Variants in PCBD2 observed in about 807,000 individuals in gnomAD.
PCBD2 encodes the protein pterin-4 alpha-carbinolamine dehydratase 2.
Under a neutral mutation model 16.4 loss-of-function variants are expected in PCBD2, and 12 were observed. The ratio of observed to expected loss-of-function variants is 0.73; its 90% CI spans 0.47 to 1.19. The LOEUF is 1.19. Ranked by LOEUF, PCBD2 falls within the 50% of genes most tolerant of loss-of-function variation. The pLI, the probability that PCBD2 is intolerant of heterozygous loss-of-function variation, is 0.00. For missense variants in PCBD2, 138 were observed against 156.8 expected (o/e 0.88, Z 0.64); for synonymous variants, 58 against 61.8 (o/e 0.94, Z 0.29).
At chr5:134,917,355 G>A (rs1750845824) in intron 2 of PCBD2, among the ~76,000 whole-genome samples, 1 of 152,210 alleles carries the variant, frequency 6.6e-6, no homozygotes. Flanking sequence ...GAATACCTGG[G>A]GCTACCCTTG....
At chr5:134,942,022 T>TG (rs369733732) in intron 2 of PCBD2, among the ~76,000 whole-genome samples, 5 of 143,748 alleles carry the variant, frequency 3.5e-5, no homozygotes, top group East Asian at 2.1e-4. Context: ...CCCAGCTACT[T>TG]GGGGGGGCTG....
chr5:134,930,885 G>C (rs1435625704), intron 2 of PCBD2, among the ~76,000 whole-genome samples: 2 of 152,014 alleles, frequency 1.3e-5, no homozygotes, highest in Non-Finnish European at 2.9e-5. Context: ...CCTTTTCTGT[G>C]ACCACTGGTC....
intron 2 of PCBD2, among the ~76,000 whole-genome samples, chr5:134,941,761 C>G (rs958743481): frequency 6.6e-6 from 1 of 152,052 alleles, no homozygotes; most frequent in Non-Finnish European, 1.5e-5. Flanking sequence ...AAAAAAACTA[C>G]GTAATAATTT....
intron 2 of PCBD2, among the ~76,000 whole-genome samples, chr5:134,919,196 G>T (rs1281705935): frequency 1.3e-5 from 2 of 152,192 alleles, no homozygotes; most frequent in East Asian, 3.8e-4. Context: ...AACAGTCTTT[G>T]TCTTGCCCTT....
At chr5:134,946,837 T>C (rs1056447197) in intron 2 of PCBD2, among the ~76,000 whole-genome samples, 2 of 152,220 alleles carry the variant, frequency 1.3e-5, no homozygotes, top group Admixed American at 1.3e-4. Context: ...TCCACCCTTT[T>C]GGTTGTTATT....
chr5:134,939,454 AG>A, intron 2 of PCBD2, among the ~76,000 whole-genome samples: 1 of 151,538 alleles, frequency 6.6e-6, no homozygotes, highest in Non-Finnish European at 1.5e-5. Flanking sequence ...TCACTTTTGG[AG>A]GGTGTTTTTA....
intron 2 of PCBD2, among the ~76,000 whole-genome samples, chr5:134,956,295 T>A (rs533554446): frequency 2.0e-5 from 3 of 152,348 alleles, no homozygotes; most frequent in African/African-American, 4.8e-5. Flanking sequence ...AAAAGTTTTT[T>A]AATTGTATGT....
At chr5:134,950,655 A>G (rs1468736585) in intron 2 of PCBD2, among the ~76,000 whole-genome samples, 4 of 152,218 alleles carry the variant, frequency 2.6e-5, no homozygotes, top group African/African-American at 4.8e-5. Flanking sequence ...GAGATTTCCA[A>G]ATGACAAACT....
At chr5:134,952,443 G>T (rs1284271083) in intron 2 of PCBD2, among the ~76,000 whole-genome samples, 3 of 152,160 alleles carry the variant, frequency 2.0e-5, no homozygotes, top group African/African-American at 4.8e-5. Flanking sequence ...AGAGTTTAAA[G>T]TATAGCAATT....
chr5:134,909,350 A>C (rs1037060184), intron 1 of PCBD2, among the ~76,000 whole-genome samples: 1 of 152,212 alleles, frequency 6.6e-6, no homozygotes, highest in Admixed American at 6.5e-5. Flanking sequence ...GGACCCCCAG[A>C]AGTTAGATAA....
Position 134,905,169 on chromosome 5 carries a change from G to T in PCBD2, c.30G>T (p.Ala10=), listed in dbSNP as rs1277156550. 8.2e-7 allele frequency: 1 copy of T among 1,223,176 alleles called. No individual in the cohort carries two copies. The highest frequency in any genetic ancestry group is 1.0e-6 in the Non-Finnish European group (1 of 982,718). The allele number at this position is 1,223,176 out of a possible 1,614,324, so 75.8% of individuals were successfully genotyped here. The change falls in exon 1 of 4, where the codon GCG becomes GCT. Residue 10 remains alanine, a synonymous_variant. Coordinates refer to ENST00000254908, the MANE Select transcript of PCBD2 (RefSeq NM_032151.5). MAAVLGALG[A]TRRLLAALRG... ...CGGCGGTGCTCGGGGCGCTCGGGGC[G>T]ACGCGGCGCTTGTTGGCGGCGCTGC...
At chr5:134,936,533 A>G (rs1168457597) in intron 2 of PCBD2, among the ~76,000 whole-genome samples, 1 of 152,230 alleles carries the variant, frequency 6.6e-6, no homozygotes, top group East Asian at 1.9e-4. Flanking sequence ...TGGGATTTCC[A>G]GACATGTTAA....
chr5:134,940,598 ATG>A (rs1430613306), intron 2 of PCBD2, among the ~76,000 whole-genome samples: 1 of 152,202 alleles, frequency 6.6e-6, no homozygotes, highest in Admixed American at 6.5e-5. Flanking sequence ...TGACCTTATC[ATG>A]AAACTCTTTA....
chr5:134,908,110 C>G (rs377087371), intron 1 of PCBD2, among the ~76,000 whole-genome samples: 1 of 151,300 alleles, frequency 6.6e-6, no homozygotes, highest in Non-Finnish European at 1.5e-5. Context: ...TTTGTAGAGA[C>G]GAGGTCTCAT....
intron 2 of PCBD2, chr5:134,928,430 G>T (rs1751048094): frequency 2.9e-6 from 1 of 349,140 alleles, no homozygotes; most frequent in African/African-American, 2.1e-5. Context: ...TCATTCGTAG[G>T]CCAGACTTAG....
chr5:134,936,831 G>A (rs191669364), intron 2 of PCBD2, among the ~76,000 whole-genome samples: 1 of 152,258 alleles, frequency 6.6e-6, no homozygotes, highest in African/African-American at 2.4e-5. Flanking sequence ...TAGAAGACCT[G>A]CTTGTTTTCA....
chr5:134,925,007 A>T, intron 2 of PCBD2: 1 of 394,274 alleles, frequency 2.5e-6, no homozygotes, highest in East Asian at 3.6e-5. Flanking sequence ...AGTTTTAAGT[A>T]AAGTGGGATT....
chr5:134,924,268 G>T lies in PCBD2; in HGVS notation c.216+13802G>T, dbSNP rs531097262. The T allele has an allele frequency of 6.3e-4, 248 of 395,010 alleles. 1 individual carries two copies. The highest frequency in any genetic ancestry group is 4.2e-3 in the African/African-American group (204 of 48,416). The allele number at this position is 395,010 out of a possible 1,614,324, so 24.5% of individuals were successfully genotyped here. A position where few individuals can be genotyped will look rare whatever the true frequency, so the allele number is the denominator to read the frequency against. ...GTTATTATTCTGAATTACGGGGGAGGTTACATGGGTTTAATGGTTTTTTTA... is the reference window on the plus strand; with the variant it reads ...GTTATTATTCTGAATTACGGGGGAGTTTACATGGGTTTAATGGTTTTTTTA... On this transcript the variant is annotated intron_variant, in intron 2 of 3. Coordinates refer to ENST00000254908, the MANE Select transcript of PCBD2 (RefSeq NM_032151.5).
At chr5:134,933,897 T>C (rs1182755067) in intron 2 of PCBD2, among the ~76,000 whole-genome samples, 2 of 152,218 alleles carry the variant, frequency 1.3e-5, no homozygotes, top group Non-Finnish European at 2.9e-5. Context: ...TGTTATGTTA[T>C]AGGGCTTTGT....
Sources: allele counts gnomAD v4.1 joint callset (sites outside exome capture counted in the v4.1 genomes callset), GRCh38; gene constraint gnomAD v4.1.1; transcripts MANE v1.5; gene names NCBI Gene and HGNC (gene_info 2026-07-23, HGNC 2026-07-21).